The following EYS variants were observed in gnomAD, a reference collection of about 807,000 sequenced individuals.
EYS encodes EGF-like photoreceptor maintenance factor.
Under a neutral mutation model 282.1 loss-of-function variants are expected in EYS, and 250 were observed. That is an observed-to-expected ratio of 0.89 (90% CI 0.80 to 0.98). EYS has a LOEUF of 0.98. Ranked by LOEUF, EYS falls within the 50% of genes least tolerant of loss-of-function variation. EYS has a pLI of 0.00. For missense variants in EYS, 4,016 were observed against 3,709.0 expected, an observed-to-expected ratio of 1.08 and a Z score of -2.15; for synonymous variants, 1,355 against 1,282.9, an observed-to-expected ratio of 1.06 and a Z score of -1.20.
rs72880484 is a variant in EYS at position 65,569,724 on chromosome 6, T to G, written c.-333+70054A>C. Among the ~76,000 whole-genome samples, 228 of 152,258 alleles carry G rather than the reference T, an allele frequency of 1.5e-3. 1 individual carries two copies. Among genetic ancestry groups the G allele is most frequent in the South Asian group, 3.9e-3 (19 of 4,830 alleles). On this transcript the variant is annotated intron_variant, in intron 2 of 42. Transcript: ENST00000503581. The stretch of plus-strand genomic sequence containing the variant: ...GACTCAACACAAAGGACAGCTTTGA[T>G]TCCCTCTGATTTTATCTCCAACCCG...
At chr6:64,426,785 G>A (rs1774423234) in intron 28 of EYS, among the ~76,000 whole-genome samples, 2 of 152,036 alleles carry the variant, frequency 1.3e-5, no homozygotes, top group African/African-American at 2.4e-5. Context: ...ACTTCTATAA[G>A]CAACTTATCA....
chr6:63,975,106 G>T (rs1279666706), intron 35 of EYS, among the ~76,000 whole-genome samples: 1 of 140,066 alleles, frequency 7.1e-6, no homozygotes, highest in South Asian at 2.2e-4. Flanking sequence ...AAAGAAATGA[G>T]ACAAAAAAAA....
intron 12 of EYS, among the ~76,000 whole-genome samples, chr6:65,155,378 C>T (rs1454831684): frequency 6.6e-6 from 1 of 151,480 alleles, no homozygotes; most frequent in African/African-American, 2.4e-5. Flanking sequence ...CCATTATTTC[C>T]TTTAAAGCTT....
intron 35 of EYS, among the ~76,000 whole-genome samples, chr6:63,955,764 C>T (rs1468463728): frequency 2.0e-5 from 3 of 152,118 alleles, no homozygotes; most frequent in Non-Finnish European, 4.4e-5. Flanking sequence ...ACCAACCAAA[C>T]AAGTAATTAC....
At chr6:64,189,721 C>CT (rs1260801342) in intron 31 of EYS, among the ~76,000 whole-genome samples, 1 of 152,128 alleles carries the variant, frequency 6.6e-6, no homozygotes, top group Non-Finnish European at 1.5e-5. Flanking sequence ...TGCCTTCAGA[C>CT]TATAGCATTA....
chr6:64,045,378 A>G (rs1393053539), intron 33 of EYS, among the ~76,000 whole-genome samples: 1 of 144,820 alleles, frequency 6.9e-6, no homozygotes, highest in Non-Finnish European at 1.5e-5. Flanking sequence ...GTTTGGGTGA[A>G]ACAAGTTTAT....
intron 19 of EYS, among the ~76,000 whole-genome samples, chr6:64,836,210 G>T (rs1466347484): frequency 3.3e-5 from 5 of 149,706 alleles, no homozygotes; most frequent in African/African-American, 1.2e-4. Context: ...TTGGTGACAT[G>T]GTCTTCAGTC....
rs150423174 is a variant in EYS, at chr6:65,154,696, C to A, written c.2024-96969G>T. On this transcript the variant is annotated intron_variant, in intron 12 of 42. Coordinates refer to ENST00000503581, the MANE Select transcript of EYS (RefSeq NM_001142800.2). Reference sequence around the variant, plus strand: ...TCCCTTCACTAAGTACATTTAATTACCTCCATTAAGCATACCTACTGCTTG... The same window carrying A: ...TCCCTTCACTAAGTACATTTAATTAACTCCATTAAGCATACCTACTGCTTG... 2.2e-4 allele frequency among the ~76,000 whole-genome samples: 33 copies of A among 151,544 alleles called. No individual in the cohort carries two copies. The East Asian group carries it at 4.5e-3, about 21-fold the overall frequency.
At chr6:64,194,357 TA>T (rs1283500695) in intron 31 of EYS, among the ~76,000 whole-genome samples, 2 of 152,226 alleles carry the variant, frequency 1.3e-5, no homozygotes, top group African/African-American at 4.8e-5. Flanking sequence ...TAAGTAACTT[TA>T]AAATTTTATC....
intron 12 of EYS, among the ~76,000 whole-genome samples, chr6:65,196,477 A>AAG (rs1272009178): frequency 1.3e-5 from 2 of 152,080 alleles, no homozygotes; most frequent in African/African-American, 4.8e-5. Context: ...TCAAACTCTT[A>AAG]ATTTTCACTC....
chr6:64,295,552 AAG>A lies in EYS; in HGVS notation c.6191+11416_6191+11417del, dbSNP rs1442122182. ...AGAAGAAGAAAGAAGAAGAAAGAAG[AAG>A]AAAGAAGAAGAAAAGAAGAAGAAAA... On this transcript the variant is annotated intron_variant, in intron 30 of 42. Coordinates refer to ENST00000503581, the MANE Select transcript of EYS (RefSeq NM_001142800.2). Among the ~76,000 whole-genome samples, 209 of 72,804 alleles carry A rather than the reference AAG, an allele frequency of 2.9e-3. 80 individuals carry two copies. The highest frequency in any genetic ancestry group is 0.014 in the African/African-American group (185 of 13,550). The allele number at this position is 72,804 out of a possible 152,430, so 47.8% of individuals were successfully genotyped here.
intron 28 of EYS, chr6:64,400,259 G>T (rs555618328): frequency 6.6e-5 from 10 of 152,084 alleles, no homozygotes; most frequent in Non-Finnish European, 1.0e-4. Flanking sequence ...CTTTGGATAA[G>T]TATGGGAATT....
intron 31 of EYS, among the ~76,000 whole-genome samples, chr6:64,098,854 C>T (rs534435628): frequency 3.9e-4 from 60 of 152,184 alleles, no homozygotes; most frequent in Non-Finnish European, 5.1e-4. Context: ...CCATTCACCT[C>T]GGCCTCCCAA....
chr6:64,705,844 G>C (rs1351278809), intron 22 of EYS, among the ~76,000 whole-genome samples: 3 of 110,038 alleles, frequency 2.7e-5, no homozygotes, highest in Non-Finnish European at 5.6e-5. Flanking sequence ...GGAGGGAGGG[G>C]GGAGGGGGGA....
intron 35 of EYS, among the ~76,000 whole-genome samples, chr6:63,975,370 G>A (rs1326660604): frequency 6.6e-6 from 1 of 151,856 alleles, no homozygotes; most frequent in East Asian, 1.9e-4. Flanking sequence ...CAGATTGATG[G>A]TATGAAGGAC....
chr6:64,930,257 T>C (rs950552429), intron 15 of EYS, among the ~76,000 whole-genome samples: 7 of 152,108 alleles, frequency 4.6e-5, no homozygotes, highest in African/African-American at 1.7e-4. Flanking sequence ...GTTATATCTG[T>C]AAACTACAGT....
chr6:64,396,251 G>A (rs1773372209), intron 28 of EYS, among the ~76,000 whole-genome samples: 1 of 152,130 alleles, frequency 6.6e-6, no homozygotes, highest in African/African-American at 2.4e-5. Flanking sequence ...GTTGAGCTAT[G>A]AATAGTGCTG....
At chr6:65,527,122 C>T (rs1250700071) in intron 2 of EYS, among the ~76,000 whole-genome samples, 1 of 152,108 alleles carries the variant, frequency 6.6e-6, no homozygotes, top group South Asian at 2.1e-4. Context: ...GAATGACTTT[C>T]AATGAGGTGC....
intron 19 of EYS, among the ~76,000 whole-genome samples, chr6:64,840,222 G>T (rs1167468447): frequency 6.6e-6 from 1 of 152,018 alleles, no homozygotes; most frequent in Non-Finnish European, 1.5e-5. Flanking sequence ...GATTATCATG[G>T]TGTTTAAAAT....
Sources: allele counts gnomAD v4.1 joint callset (sites outside exome capture counted in the v4.1 genomes callset), GRCh38; gene constraint gnomAD v4.1.1; transcripts MANE v1.5; gene names NCBI Gene and HGNC (gene_info 2026-07-23, HGNC 2026-07-21).